PPP1R1C: variants seen among roughly 807,000 people sequenced by gnomAD.
PPP1R1C encodes protein phosphatase 1 regulatory subunit 1C.
In PPP1R1C, 15 loss-of-function variants were observed where a neutral mutation model predicts 17.4. The observed-to-expected ratio is 0.86, with a 90% CI of 0.58 to 1.33. The LOEUF (loss-of-function observed/expected upper bound fraction) is 1.33. PPP1R1C is among the 40% of genes most tolerant of loss of function. PPP1R1C has a pLI of 0.00. For missense variants in PPP1R1C, 143 were observed against 130.0 expected, an observed-to-expected ratio of 1.10 and a Z score of -0.48; for synonymous variants, 35 against 43.1, an observed-to-expected ratio of 0.81 and a Z score of 0.73.
At position 182,115,937 on chromosome 2, in the gene PPP1R1C, A is replaced by G. The variant is rs546118787; in HGVS notation, c.242-1270A>G. Among the ~76,000 whole-genome samples, 187 of 152,122 alleles carry G rather than the reference A, an allele frequency of 1.2e-3. 3 individuals are homozygous for G. The highest frequency in any genetic ancestry group is 0.012 in the Admixed American group (182 of 15,254). Reference sequence around the variant, plus strand: ...TAGTAATACTTAAAAAATCTAATAAACTAATTTTATAAGGTACAAAAAAGT... The same window carrying G: ...TAGTAATACTTAAAAAATCTAATAAGCTAATTTTATAAGGTACAAAAAAGT... On this transcript the variant is annotated intron_variant, in intron 4 of 4. Coordinates refer to ENST00000682840, the MANE Select transcript of PPP1R1C (RefSeq NM_001080545.3).
downstream of PPP1R1C, among the ~76,000 whole-genome samples, chr2:182,120,635 G>A (rs1689711744): frequency 6.6e-6 from 1 of 152,056 alleles, no homozygotes; most frequent in South Asian, 2.1e-4. Flanking sequence ...CTTGTGTTTG[G>A]AAAACATCTC....
intron 2 of PPP1R1C, among the ~76,000 whole-genome samples, chr2:182,037,113 A>G (rs1444426104): frequency 2.0e-5 from 3 of 152,254 alleles, no homozygotes; most frequent in African/African-American, 7.2e-5. Flanking sequence ...AGGAGCAAAA[A>G]GAAGAAGGGC....
chr2:182,074,080 C>T (rs1365087878), intron 4 of PPP1R1C, among the ~76,000 whole-genome samples: 6 of 144,726 alleles, frequency 4.1e-5, no homozygotes, highest in South Asian at 2.2e-4. Flanking sequence ...CTCACTCTGT[C>T]GCCCAGGCTG....
chr2:182,036,349 A>G (rs1574399493), intron 2 of PPP1R1C, among the ~76,000 whole-genome samples: 2 of 152,208 alleles, frequency 1.3e-5, no homozygotes, highest in East Asian at 3.8e-4. Flanking sequence ...AATAGAATAT[A>G]ACATGTTAAA....
intron 4 of PPP1R1C, among the ~76,000 whole-genome samples, chr2:182,105,001 C>A (rs551335955): frequency 6.6e-6 from 1 of 151,060 alleles, no homozygotes; most frequent in South Asian, 2.1e-4. Context: ...AAGAAACTGA[C>A]AATGCAAAAG....
chr2:181,985,677 A>G (rs1324213466), upstream of PPP1R1C, among the ~76,000 whole-genome samples: 1 of 152,168 alleles, frequency 6.6e-6, no homozygotes, highest in Non-Finnish European at 1.5e-5. The surrounding 1 kb of genome is among the most constrained non-coding windows in gnomAD (Gnocchi z 4.1). Flanking sequence ...CATCCCTGCA[A>G]TACTCAGAGG....
At chr2:182,061,225 G>A (rs1687839966) in intron 2 of PPP1R1C, among the ~76,000 whole-genome samples, 1 of 151,968 alleles carries the variant, frequency 6.6e-6, no homozygotes, top group Admixed American at 6.6e-5. Flanking sequence ...GATGTCAAGA[G>A]GAAAGCTTTT....
intron 1 of PPP1R1C, among the ~76,000 whole-genome samples, chr2:181,968,075 T>G (rs1218295598): frequency 6.6e-6 from 1 of 152,258 alleles, no homozygotes; most frequent in Non-Finnish European, 1.5e-5. Context: ...ATGATTCCAG[T>G]TATGTTTTTA....
chr2:182,097,554 G>C (rs1688978465), intron 4 of PPP1R1C, among the ~76,000 whole-genome samples: 1 of 152,060 alleles, frequency 6.6e-6, no homozygotes, highest in African/African-American at 2.4e-5. Flanking sequence ...AAGAATCATT[G>C]GTTCACCCCT....
At chr2:181,991,758 T>G (rs972427467) in intron 2 of PPP1R1C, among the ~76,000 whole-genome samples, 1 of 152,212 alleles carries the variant, frequency 6.6e-6, no homozygotes, top group Non-Finnish European at 1.5e-5. Context: ...TAAGGGCCTC[T>G]TTATGATAAG....
At chr2:182,050,923 G>C (rs1030508323) in intron 2 of PPP1R1C, among the ~76,000 whole-genome samples, 15 of 152,152 alleles carry the variant, frequency 9.9e-5, no homozygotes, top group African/African-American at 3.6e-4. Context: ...TATTACAGCA[G>C]TCAACATTTT....
At chr2:182,033,426 G>A (rs1362845896) in intron 2 of PPP1R1C, among the ~76,000 whole-genome samples, 1 of 152,142 alleles carries the variant, frequency 6.6e-6, no homozygotes, top group African/African-American at 2.4e-5. Context: ...AACTCTGGTT[G>A]TCCCAGAGGC....
chr2:181,987,434 T>C (rs1348339599), intron 1 of PPP1R1C, among the ~76,000 whole-genome samples: 2 of 152,134 alleles, frequency 1.3e-5, no homozygotes, highest in African/African-American at 4.8e-5. Flanking sequence ...CTGCTAGAAA[T>C]AGGTTTCCAA....
At chr2:182,028,698 G>T (rs1176020075) in intron 2 of PPP1R1C, among the ~76,000 whole-genome samples, 2 of 149,618 alleles carry the variant, frequency 1.3e-5, no homozygotes, top group Non-Finnish European at 3.0e-5. Context: ...GTTGATTTGG[G>T]GTGGAGAGTT....
chr2:182,056,433 G>A (rs959831507), intron 2 of PPP1R1C, among the ~76,000 whole-genome samples: 55 of 152,076 alleles, frequency 3.6e-4, no homozygotes, highest in Non-Finnish European at 1.0e-4. Flanking sequence ...GTCTGCCATT[G>A]CTATTGCTTT....
chr2:182,067,667 C>T (rs1688025027), intron 4 of PPP1R1C, among the ~76,000 whole-genome samples: 1 of 151,992 alleles, frequency 6.6e-6, no homozygotes, highest in Admixed American at 6.6e-5. Flanking sequence ...GGTTGTTCAC[C>T]CCACAAAACA....
intron 2 of PPP1R1C, among the ~76,000 whole-genome samples, chr2:181,997,640 A>C (rs1685653201): frequency 6.6e-6 from 1 of 152,236 alleles, no homozygotes. Flanking sequence ...TTTAAAGAAT[A>C]AATTGCATGT....
intron 2 of PPP1R1C, among the ~76,000 whole-genome samples, chr2:182,038,598 C>G (rs1687087263): frequency 6.6e-6 from 1 of 152,162 alleles, no homozygotes; most frequent in Non-Finnish European, 1.5e-5. Context: ...TCAAGATTAG[C>G]TCTATCAGGG....
intron 1 of PPP1R1C, among the ~76,000 whole-genome samples, chr2:181,963,659 C>T (rs991499488): frequency 6.6e-6 from 1 of 151,880 alleles, no homozygotes; most frequent in Admixed American, 6.6e-5. Flanking sequence ...AACAAACCAA[C>T]AAACAAAAAT....
Sources: allele counts gnomAD v4.1 joint callset (sites outside exome capture counted in the v4.1 genomes callset), GRCh38; gene constraint gnomAD v4.1.1; non-coding constraint Gnocchi (gnomAD v3.1); transcripts MANE v1.5; gene names NCBI Gene and HGNC (gene_info 2026-07-23, HGNC 2026-07-21).